ADAMTSL1: variants seen among roughly 807,000 people sequenced by gnomAD.
ADAMTSL1 encodes ADAMTS like 1.
In ADAMTSL1, 126 loss-of-function variants were observed where a neutral mutation model predicts 201.8. The observed-to-expected ratio is 0.62, with a 90% CI of 0.54 to 0.72. The LOEUF (loss-of-function observed/expected upper bound fraction) is 0.72. Ranked by LOEUF, ADAMTSL1 falls within the 30% of genes least tolerant of loss-of-function variation. The pLI, the probability that ADAMTSL1 is intolerant of heterozygous loss-of-function variation, is 0.00. For missense variants in ADAMTSL1, 2,679 were observed against 2,277.8 expected (o/e 1.18, Z -3.59); for synonymous variants, 1,121 against 903.4 (o/e 1.24, Z -4.32).
At chr9:18,422,503 C>G (rs1819002666) in intron 2 of ADAMTSL1, among the ~76,000 whole-genome samples, 1 of 152,060 alleles carries the variant, frequency 6.6e-6, no homozygotes, top group Non-Finnish European at 1.5e-5. Flanking sequence ...TGAACTGGCC[C>G]CGCTTTCCTG....
At chr9:18,770,567 T>C in intron 16 of ADAMTSL1, 35 bp from the exon 17 acceptor site, 1 of 1,578,028 alleles carries the variant, frequency 6.3e-7, no homozygotes. Context: ...CCATATTGGG[T>C]CTACTTTTTC....
At chr9:18,844,284 G>C (rs1825936886) in intron 23 of ADAMTSL1, among the ~76,000 whole-genome samples, 1 of 152,146 alleles carries the variant, frequency 6.6e-6, no homozygotes, top group African/African-American at 2.4e-5. Context: ...GTCTGTTGGA[G>C]TTTGCTAGAG....
chr9:18,785,963 G>A (rs116276853), intron 19 of ADAMTSL1, among the ~76,000 whole-genome samples: 2,467 of 152,216 alleles, frequency 0.016, 48 homozygotes, highest in African/African-American at 0.05. Flanking sequence ...CACTGTCAGG[G>A]AAGGCCTTGC....
intron 1 of ADAMTSL1, among the ~76,000 whole-genome samples, chr9:17,938,211 C>T (rs925830114): frequency 6.6e-6 from 1 of 152,098 alleles, no homozygotes; most frequent in Non-Finnish European, 1.5e-5. Flanking sequence ...AGCATTTAAA[C>T]TATTCCATGG....
In ADAMTSL1 at chr9:17,947,147, T is replaced by C. The variant is rs1004877450; in HGVS notation, c.87+40225T>C. Among the ~76,000 whole-genome samples, 3 of 151,070 alleles carry C rather than the reference T, an allele frequency of 2.0e-5. 1 individual carries two copies. In the East Asian group the frequency reaches 5.8e-4, roughly 29 times the overall value. On this transcript the variant is annotated intron_variant, in intron 1 of 29. Coordinates refer to the ADAMTSL1 transcript ENST00000680146. ...TAAACTATATAGCTATATATATTTA[T>C]AGTTAACTATATATACATATATAGT...
At chr9:18,366,656 TTTTTTTTTTTTA>T in intron 2 of ADAMTSL1, among the ~76,000 whole-genome samples, 2 of 47,578 alleles carry the variant, frequency 4.2e-5, no homozygotes, top group East Asian at 8.3e-4. Flanking sequence ...TTTTTTTTTT[TTTTTTTTTTTTA>T]AGACAGAGTC....
At chr9:18,401,694 CA>C (rs1189378254) in intron 2 of ADAMTSL1, among the ~76,000 whole-genome samples, 4 of 152,138 alleles carry the variant, frequency 2.6e-5, no homozygotes, top group African/African-American at 9.7e-5. Flanking sequence ...CTTTTTTTTA[CA>C]GTGAATCCTT....
At chr9:18,308,446 G>A (rs1833992142) in intron 2 of ADAMTSL1, among the ~76,000 whole-genome samples, 1 of 152,006 alleles carries the variant, frequency 6.6e-6, no homozygotes, top group Non-Finnish European at 1.5e-5. Context: ...CCACTGGCCA[G>A]ACTACTAAAG....
At chr9:17,978,641 A>T (rs1818553284) in intron 1 of ADAMTSL1, among the ~76,000 whole-genome samples, 1 of 152,110 alleles carries the variant, frequency 6.6e-6, no homozygotes, top group South Asian at 2.1e-4. Context: ...TGTACTCATT[A>T]ACAAATTATT....
chr9:18,238,393 C>T (rs907262051), intron 2 of ADAMTSL1, among the ~76,000 whole-genome samples: 2 of 152,120 alleles, frequency 1.3e-5, no homozygotes, highest in African/African-American at 4.8e-5. Context: ...AAGTTCGAAT[C>T]ACATCCCTTT....
At chr9:18,871,648 G>T (rs548525912) in intron 23 of ADAMTSL1, among the ~76,000 whole-genome samples, 99 of 152,226 alleles carry the variant, frequency 6.5e-4, no homozygotes, top group African/African-American at 2.3e-3. Context: ...CCATCCACAG[G>T]GGTGGTGATA....
intron 2 of ADAMTSL1, among the ~76,000 whole-genome samples, chr9:18,353,384 G>A (rs1353895087): frequency 6.6e-6 from 1 of 152,140 alleles, no homozygotes; most frequent in Non-Finnish European, 1.5e-5. Flanking sequence ...ACTTACTGAA[G>A]AATTTATTCC....
At chr9:18,550,891 G>C (rs1189762513) in intron 3 of ADAMTSL1, among the ~76,000 whole-genome samples, 1 of 151,780 alleles carries the variant, frequency 6.6e-6, no homozygotes, top group Non-Finnish European at 1.5e-5. Context: ...GATCCCTCTT[G>C]TATTTGGGAA....
chr9:17,935,873 C>T (rs910241660), intron 1 of ADAMTSL1, among the ~76,000 whole-genome samples: 2 of 152,162 alleles, frequency 1.3e-5, no homozygotes, highest in Admixed American at 6.5e-5. Context: ...AAACATGACT[C>T]AGGTTATGCT....
At chr9:18,773,794 CA>C (rs1266539202) in intron 17 of ADAMTSL1, among the ~76,000 whole-genome samples, 1 of 152,200 alleles carries the variant, frequency 6.6e-6, no homozygotes, top group Non-Finnish European at 1.5e-5. Flanking sequence ...TTCTACTTAG[CA>C]GCCTTAAAAC....
chr9:18,348,343 C>T (rs1189848817), intron 2 of ADAMTSL1, among the ~76,000 whole-genome samples: 2 of 152,080 alleles, frequency 1.3e-5, no homozygotes, highest in Non-Finnish European at 2.9e-5. Flanking sequence ...TCTTCCATCA[C>T]TTCCACTACT....
rs559017894 is a variant in ADAMTSL1 at position 18,405,610 on chromosome 9, G to A, written c.208-99219G>A. The stretch of plus-strand genomic sequence containing the variant: ...GTTTTCTCTTTGGAGAGAAGAAAGG[G>A]CAAAACTTGGAAAAACAGAAGAATG... On this transcript the variant is annotated intron_variant, in intron 2 of 29. Transcript: ENST00000680146. Among the ~76,000 whole-genome samples the A allele has an allele frequency of 2.0e-4, 29 of 147,522 alleles. No homozygotes were observed. In the East Asian group the frequency reaches 5.3e-3, roughly 27 times the overall value.
chr9:18,142,655 G>A (rs548947447), intron 1 of ADAMTSL1, among the ~76,000 whole-genome samples: 6 of 152,222 alleles, frequency 3.9e-5, no homozygotes, highest in Non-Finnish European at 5.9e-5. Flanking sequence ...TTTTTAACAC[G>A]GAAGTCAGAG....
At chr9:17,972,828 G>T (rs1051620183) in intron 1 of ADAMTSL1, among the ~76,000 whole-genome samples, 46 of 141,526 alleles carry the variant, frequency 3.3e-4, no homozygotes, top group African/African-American at 1.1e-3. Context: ...AGCACCTGTT[G>T]TTTCCTGACT....
Sources: allele counts gnomAD v4.1 joint callset (sites outside exome capture counted in the v4.1 genomes callset), GRCh38; gene constraint gnomAD v4.1.1; transcripts MANE v1.5; gene names NCBI Gene and HGNC (gene_info 2026-07-23, HGNC 2026-07-21).